Variants in MSRA observed in about 807,000 individuals in gnomAD.
MSRA encodes methionine sulfoxide reductase A, also known as mitochondrial peptide methionine sulfoxide reductase.
A neutral mutation model predicts 31.3 loss-of-function variants in MSRA; 54 were observed. The observed-to-expected ratio is 1.73, with a 90% CI of 1.39 to 2.17. The LOEUF is 2.17. Ranked by LOEUF, MSRA falls within the 30% of genes most tolerant of loss-of-function variation. The pLI is 0.00. For synonymous variants in MSRA, 169 were observed against 116.5 expected, an observed-to-expected ratio of 1.45 and a Z score of -2.90; for missense variants, 507 against 300.9, an observed-to-expected ratio of 1.69 and a Z score of -5.07.
At chr8:10,055,048 G>T (rs561469626) in intron 1 of MSRA, among the ~76,000 whole-genome samples, 15 of 152,340 alleles carry the variant, frequency 9.8e-5, no homozygotes, top group African/African-American at 3.6e-4. Flanking sequence ...CTCTGCGCCG[G>T]CCGCCGGGAC....
At chr8:10,201,964 G>A (rs889751029) in intron 1 of MSRA, among the ~76,000 whole-genome samples, 2 of 152,240 alleles carry the variant, frequency 1.3e-5, no homozygotes, top group African/African-American at 4.8e-5. Context: ...CAGTTGGGAG[G>A]CACCCACTCT....
intron 1 of MSRA, among the ~76,000 whole-genome samples, chr8:10,077,708 G>A (rs576453524): frequency 2.6e-4 from 39 of 151,896 alleles, no homozygotes; most frequent in Non-Finnish European, 3.7e-4. Flanking sequence ...CGCTTTCTGA[G>A]GCTTCTGACA....
chr8:10,260,028 G>T (rs564554855), intron 3 of MSRA, among the ~76,000 whole-genome samples: 1 of 152,382 alleles, frequency 6.6e-6, no homozygotes. Context: ...ATGCATCAGA[G>T]GGAGCAGTTC....
In MSRA at chr8:10,188,975, C is replaced by G. The variant is rs375059010; in HGVS notation, c.143-18858C>G. 1.1e-3 allele frequency among the ~76,000 whole-genome samples: 163 copies of G among 152,320 alleles called. No individual in the cohort carries two copies. The South Asian group carries it at 0.033, about 31-fold the overall frequency. ...AATTTGGAAGATAATTGACATCTTA[C>G]AGAGTCTTTCAGTTTATGAACATGA... On this transcript the variant is annotated intron_variant, in intron 1 of 5. Coordinates refer to ENST00000317173, the MANE Select transcript of MSRA (RefSeq NM_012331.5).
intron 5 of MSRA, among the ~76,000 whole-genome samples, chr8:10,404,557 C>T (rs999144947): frequency 3.3e-5 from 5 of 152,248 alleles, no homozygotes; most frequent in Non-Finnish European, 2.9e-5. Flanking sequence ...CCCTCACCTA[C>T]GATCTGCCGT....
At chr8:10,293,007 G>C (rs948753241) in intron 3 of MSRA, among the ~76,000 whole-genome samples, 1 of 152,208 alleles carries the variant, frequency 6.6e-6, no homozygotes, top group Non-Finnish European at 1.5e-5. Context: ...GCAAGGAGGA[G>C]GGCTTGTTGG....
At chr8:10,369,697 A>T (rs530163706) in intron 5 of MSRA, among the ~76,000 whole-genome samples, 8 of 152,360 alleles carry the variant, frequency 5.3e-5, no homozygotes, top group African/African-American at 9.6e-5. Context: ...GGGATAGGTA[A>T]TGTTCATTAA....
chr8:10,203,653 T>C (rs553204515), intron 1 of MSRA, among the ~76,000 whole-genome samples: 1 of 152,352 alleles, frequency 6.6e-6, no homozygotes, highest in East Asian at 1.9e-4. Context: ...TAGTTGATAA[T>C]CATCATAAAC....
intron 1 of MSRA, among the ~76,000 whole-genome samples, chr8:10,204,072 A>C (rs77347913): frequency 6.6e-6 from 1 of 152,146 alleles, no homozygotes; most frequent in East Asian, 1.9e-4. Flanking sequence ...AAAGTAAAAA[A>C]TGAAAATTTT....
At chr8:10,377,128 C>G (rs1805799921) in intron 5 of MSRA, among the ~76,000 whole-genome samples, 1 of 152,252 alleles carries the variant, frequency 6.6e-6, no homozygotes, top group African/African-American at 2.4e-5. Context: ...AGATAGTGCT[C>G]TGTCCCACTG....
intron 5 of MSRA, among the ~76,000 whole-genome samples, chr8:10,412,855 C>T (rs1808238029): frequency 6.6e-6 from 1 of 152,212 alleles, no homozygotes; most frequent in African/African-American, 2.4e-5. Context: ...TGGGAACTCT[C>T]ATGCATTGCA....
Position 10,322,735 on chromosome 8 carries a change from A to G in MSRA, c.543+2746A>G, listed in dbSNP as rs142267412. On this transcript the variant is annotated intron_variant, in intron 5 of 5. Transcript: ENST00000317173. ...ACCCTTATTATTATTGGGAGTTGTC[A>G]ACTTATATTTGCTAAATGAAACCCC... 2.7e-3 allele frequency among the ~76,000 whole-genome samples: 409 copies of G among 152,274 alleles called. 1 individual carries two copies. The highest frequency in any genetic ancestry group is 9.6e-3 in the African/African-American group (398 of 41,558).
intron 1 of MSRA, among the ~76,000 whole-genome samples, chr8:10,183,342 C>A (rs146176792): frequency 2.0e-5 from 3 of 152,288 alleles, no homozygotes; most frequent in Non-Finnish European, 2.9e-5. Context: ...CTGGTACTTA[C>A]GGCCTCTGTT....
At chr8:10,421,513 C>G (rs957104303) in intron 5 of MSRA, among the ~76,000 whole-genome samples, 1 of 151,916 alleles carries the variant, frequency 6.6e-6, no homozygotes. Flanking sequence ...GAGCGTGTCA[C>G]CTCCATGTAA....
intron 1 of MSRA, among the ~76,000 whole-genome samples, chr8:10,080,353 C>A (rs999548703): frequency 6.6e-5 from 10 of 150,934 alleles, no homozygotes; most frequent in Non-Finnish European, 1.5e-4. Flanking sequence ...TTACAGAGAC[C>A]AACCCTGTTT....
At chr8:10,252,221 G>C (rs1563271307) in intron 3 of MSRA, among the ~76,000 whole-genome samples, 1 of 152,188 alleles carries the variant, frequency 6.6e-6, no homozygotes, top group Non-Finnish European at 1.5e-5. Flanking sequence ...GGTTGAAAAT[G>C]TGCTTGTCTT....
intron 5 of MSRA, among the ~76,000 whole-genome samples, chr8:10,424,825 C>G (rs1454505709): frequency 6.6e-6 from 1 of 152,202 alleles, no homozygotes; most frequent in African/African-American, 2.4e-5. Context: ...TTGAAGATCG[C>G]CAAGCCTGCA....
At chr8:10,277,071 G>T (rs963974507) in intron 3 of MSRA, among the ~76,000 whole-genome samples, 3 of 152,058 alleles carry the variant, frequency 2.0e-5, no homozygotes, top group African/African-American at 7.2e-5. Flanking sequence ...CATTACTTGA[G>T]ACCTAGATTT....
chr8:10,211,048 T>G (rs940898612), intron 2 of MSRA, among the ~76,000 whole-genome samples: 3 of 152,168 alleles, frequency 2.0e-5, no homozygotes, highest in Non-Finnish European at 2.9e-5. Context: ...AATGTCGTTA[T>G]CTGTTGGTTA....
Sources: gnomAD v4.1 joint callset for allele counts (sites outside exome capture counted in the v4.1 genomes callset) on GRCh38, gnomAD v4.1.1 for gene constraint, MANE v1.5 for transcripts, NCBI Gene and HGNC (gene_info 2026-07-23, HGNC 2026-07-21) for gene names.